Variants in NOL4 observed in about 807,000 individuals in gnomAD.
NOL4 encodes the protein nucleolar protein 4.
In NOL4, 17 loss-of-function variants were observed where a neutral mutation model predicts 75.9. The observed-to-expected ratio is 0.22, with a 90% CI of 0.15 to 0.34. The LOEUF is 0.34. Ranked by LOEUF, NOL4 falls within the 10% of genes least tolerant of loss-of-function variation. NOL4 has a pLI of 1.00. For missense variants in NOL4, 614 were observed against 793.5 expected (o/e 0.77, Z 2.72); for synonymous variants, 292 against 289.9 (o/e 1.01, Z -0.07).
chr18:34,038,328 T>C (rs1328994645), intron 5 of NOL4, among the ~76,000 whole-genome samples: 1 of 152,078 alleles, frequency 6.6e-6, no homozygotes, highest in Non-Finnish European at 1.5e-5. Flanking sequence ...AAAAACAGCA[T>C]AGAGATTTCT....
At chr18:34,132,165 C>T (rs535054861) in intron 1 of NOL4, among the ~76,000 whole-genome samples, 10 of 152,268 alleles carry the variant, frequency 6.6e-5, no homozygotes, top group African/African-American at 9.6e-5. Flanking sequence ...CTCTCCTCTG[C>T]GTTTTTCTCT....
At chr18:34,095,828 T>G (rs1265533130) in intron 4 of NOL4, among the ~76,000 whole-genome samples, 1 of 152,108 alleles carries the variant, frequency 6.6e-6, no homozygotes, top group African/African-American at 2.4e-5. Flanking sequence ...GTTACTAAAG[T>G]AGCTGTGTGT....
intron 5 of NOL4, among the ~76,000 whole-genome samples, chr18:34,026,622 T>C (rs1383064754): frequency 6.6e-6 from 1 of 152,204 alleles, no homozygotes; most frequent in Non-Finnish European, 1.5e-5. Context: ...TCCCAACTGA[T>C]ATAATTTCTT....
chr18:33,880,283 GT>G (rs1313025881), intron 10 of NOL4, among the ~76,000 whole-genome samples: 1 of 149,128 alleles, frequency 6.7e-6, no homozygotes, highest in East Asian at 2.0e-4. Context: ...TTTTTATGGT[GT>G]TTTTGTCATG....
chr18:34,209,404 T>G (rs1210829775), intron 1 of NOL4, among the ~76,000 whole-genome samples: 2 of 152,128 alleles, frequency 1.3e-5, no homozygotes, highest in African/African-American at 4.8e-5. Context: ...GTATTATATT[T>G]TTTAAAATAA....
At chr18:34,167,219 T>TCAGGGAATTGAGCATCA (rs2032483543) in intron 1 of NOL4, among the ~76,000 whole-genome samples, 1 of 152,020 alleles carries the variant, frequency 6.6e-6, no homozygotes, top group Non-Finnish European at 1.5e-5. Flanking sequence ...CCATTTTCTA[T>TCAGGGAATTGAGCATCA]CAGGGAATTG....
chr18:34,101,995 T>C (rs1483885854), intron 4 of NOL4, among the ~76,000 whole-genome samples: 1 of 152,054 alleles, frequency 6.6e-6, no homozygotes, highest in Non-Finnish European at 1.5e-5. Flanking sequence ...GTTGACTGTC[T>C]TGCTGTTCCT....
chr18:34,145,790 T>C (rs1217960268), intron 1 of NOL4, among the ~76,000 whole-genome samples: 3 of 152,018 alleles, frequency 2.0e-5, no homozygotes, highest in Non-Finnish European at 2.9e-5. Flanking sequence ...AAAGCAAACA[T>C]ATACAAAAAT....
At chr18:33,882,949 C>G (rs928580874) in intron 10 of NOL4, among the ~76,000 whole-genome samples, 3 of 151,720 alleles carry the variant, frequency 2.0e-5, no homozygotes, top group Non-Finnish European at 2.9e-5. Context: ...AGTAAACTAT[C>G]GCAAGAACAA....
chr18:34,120,256 G>C (rs954391312), intron 2 of NOL4, among the ~76,000 whole-genome samples: 1 of 152,146 alleles, frequency 6.6e-6, no homozygotes, highest in African/African-American at 2.4e-5. Flanking sequence ...TGAAATCATA[G>C]TGCCTATTTA....
chr18:33,951,232 T>C (rs1041697826), intron 8 of NOL4, among the ~76,000 whole-genome samples: 11 of 152,192 alleles, frequency 7.2e-5, no homozygotes, highest in African/African-American at 2.7e-4. Context: ...CCTCAGAAAT[T>C]ATCTGAAGTA....
rs191058627 is a variant in NOL4 at position 33,852,188 on chromosome 18, T to A, written c.*654A>T. 5 of 152,558 alleles carry A rather than the reference T, an allele frequency of 3.3e-5. No homozygotes were observed. Among genetic ancestry groups the A allele is most frequent in the African/African-American group, 1.2e-4 (5 of 41,512 alleles). 9.5% of individuals were successfully genotyped at this position (152,558 alleles called of 1,614,324 possible). ...AACGTAGGCAAGGGTTTTTCCAGCA[T>A]CAAGTGTTATTTTTGTAGAAAGAAT... On this transcript the variant is annotated 3_prime_UTR_variant, in exon 11 of 11. Coordinates refer to ENST00000261592, the MANE Select transcript of NOL4 (RefSeq NM_003787.5).
chr18:34,021,607 A>G (rs2075041847), intron 5 of NOL4, among the ~76,000 whole-genome samples: 3 of 152,138 alleles, frequency 2.0e-5, no homozygotes, highest in Admixed American at 2.0e-4. Context: ...GACTCTGATG[A>G]GGAGAATGGT....
chr18:34,066,183 A>G (rs530057157), intron 5 of NOL4, among the ~76,000 whole-genome samples: 172 of 152,102 alleles, frequency 1.1e-3, no homozygotes, highest in African/African-American at 3.7e-3. Context: ...AATAGGTATA[A>G]ATAATTTAAT....
At chr18:33,866,174 A>G (rs1292242677) in intron 10 of NOL4, among the ~76,000 whole-genome samples, 1 of 152,120 alleles carries the variant, frequency 6.6e-6, no homozygotes, top group Non-Finnish European at 1.5e-5. Flanking sequence ...TTTGAGGGCA[A>G]TTTTGAATGT....
intron 5 of NOL4, among the ~76,000 whole-genome samples, chr18:34,089,965 C>G (rs1392573836): frequency 6.6e-6 from 1 of 151,732 alleles, no homozygotes; most frequent in African/African-American, 2.4e-5. Context: ...ACACACACAC[C>G]CCTAATATAG....
chr18:33,889,786 T>C (rs1262770327), intron 9 of NOL4, among the ~76,000 whole-genome samples: 7 of 151,900 alleles, frequency 4.6e-5, no homozygotes, highest in Admixed American at 4.6e-4. Flanking sequence ...ATGACATAAA[T>C]CACATGATTA....
At chr18:33,942,948 C>T (rs1278608161) in intron 9 of NOL4, 117 bp downstream of exon 9, 1 of 665,830 alleles carries the variant, frequency 1.5e-6, no homozygotes, top group Non-Finnish European at 2.6e-6. Context: ...GACACAAAAA[C>T]TATATCTCTG....
At chr18:34,198,543 A>G (rs2035499807) in intron 1 of NOL4, among the ~76,000 whole-genome samples, 2 of 151,952 alleles carry the variant, frequency 1.3e-5, no homozygotes, top group Non-Finnish European at 1.5e-5. Flanking sequence ...AATTCAAATT[A>G]AATGTATGAA....
Sources: gnomAD v4.1 joint callset for allele counts (sites outside exome capture counted in the v4.1 genomes callset) on GRCh38, gnomAD v4.1.1 for gene constraint, MANE v1.5 for transcripts, NCBI Gene and HGNC (gene_info 2026-07-23, HGNC 2026-07-21) for gene names.